Variants in LPP observed in about 807,000 individuals in gnomAD.
The protein encoded by LPP is lipoma-preferred partner.
Under a neutral mutation model 60.4 loss-of-function variants are expected in LPP, and 38 were observed. The observed-to-expected ratio is 0.63, with a 90% CI of 0.49 to 0.83. The LOEUF (loss-of-function observed/expected upper bound fraction) is 0.83, where lower values mean the gene tolerates loss of function less well. LPP is among the 40% of genes least tolerant of loss of function. The pLI is 0.00. For missense variants in LPP, 902 were observed against 783.6 expected, an observed-to-expected ratio of 1.15 and a Z score of -1.80; for synonymous variants, 328 against 290.8, an observed-to-expected ratio of 1.13 and a Z score of -1.30.
At chr3:188,334,672 G>A (rs1199610571) in intron 2 of LPP, among the ~76,000 whole-genome samples, 4 of 151,888 alleles carry the variant, frequency 2.6e-5, no homozygotes, top group Admixed American at 2.0e-4. Context: ...CTCGTGATCC[G>A]CCCACCTTGG....
At chr3:188,726,175 T>A (rs1008578090) in intron 8 of LPP, among the ~76,000 whole-genome samples, 1 of 151,964 alleles carries the variant, frequency 6.6e-6, no homozygotes, top group Non-Finnish European at 1.5e-5. Context: ...GGGACAAGAT[T>A]TGGGGGATGA....
At position 188,223,092 on chromosome 3, in the gene LPP, C is replaced by G. The variant is rs964676141; in HGVS notation, c.-189-2313C>G. Among the ~76,000 whole-genome samples, 109 of 152,264 alleles carry G rather than the reference C, an allele frequency of 7.2e-4. 1 individual carries two copies. Among genetic ancestry groups the G allele is most frequent in the African/African-American group, 2.6e-3 (106 of 41,548 alleles). ...TACTCAAGGCCAACTCCATCATTCCCTTTTGGGAATTCGGTGCTTCAGCTG... is the reference window on the plus strand; with the variant it reads ...TACTCAAGGCCAACTCCATCATTCCGTTTTGGGAATTCGGTGCTTCAGCTG... On this transcript the variant is annotated intron_variant, in intron 1 of 11. Coordinates refer to ENST00000617246, the MANE Select transcript of LPP (RefSeq NM_001375462.1).
At chr3:188,297,270 G>A (rs762035372) in intron 2 of LPP, among the ~76,000 whole-genome samples, 5 of 152,062 alleles carry the variant, frequency 3.3e-5, no homozygotes, top group East Asian at 3.9e-4. Flanking sequence ...CCCCCACTTC[G>A]GAAATAACAA....
At chr3:188,566,996 G>A (rs1832332432) in intron 6 of LPP, among the ~76,000 whole-genome samples, 1 of 151,824 alleles carries the variant, frequency 6.6e-6, no homozygotes, top group African/African-American at 2.4e-5. Context: ...CAAAGAGGAT[G>A]CAAATTATAA....
At chr3:188,181,243 C>T (rs986940026) in intron 1 of LPP, among the ~76,000 whole-genome samples, 2 of 151,434 alleles carry the variant, frequency 1.3e-5, no homozygotes, top group African/African-American at 4.9e-5. Flanking sequence ...ATCCCAGCTA[C>T]TCAGGAGGCT....
At chr3:188,300,174 C>CT (rs150945410) in intron 2 of LPP, among the ~76,000 whole-genome samples, 1,721 of 151,884 alleles carry the variant, frequency 0.011, 35 homozygotes, top group African/African-American at 0.04. Context: ...AATCTGTTCT[C>CT]TTTTTTTAAG....
At chr3:188,826,804 A>T (rs978657649) in intron 9 of LPP, among the ~76,000 whole-genome samples, 3 of 151,840 alleles carry the variant, frequency 2.0e-5, no homozygotes, top group Non-Finnish European at 2.9e-5. Context: ...GCACCTCTCT[A>T]TGTCATCCTT....
intron 5 of LPP, among the ~76,000 whole-genome samples, chr3:188,499,298 T>G (rs781173078): frequency 2.6e-5 from 4 of 152,178 alleles, no homozygotes; most frequent in Non-Finnish European, 4.4e-5. Flanking sequence ...TCGAGTTAAC[T>G]TTTATAATTA....
At chr3:188,586,872 C>A (rs946670561) in intron 6 of LPP, among the ~76,000 whole-genome samples, 1 of 151,936 alleles carries the variant, frequency 6.6e-6, no homozygotes, top group Non-Finnish European at 1.5e-5. Flanking sequence ...GGACTACAGG[C>A]ACGCACCATC....
At chr3:188,384,195 T>G (rs1408314338) in intron 3 of LPP, among the ~76,000 whole-genome samples, 1 of 152,214 alleles carries the variant, frequency 6.6e-6, no homozygotes, top group African/African-American at 2.4e-5. Flanking sequence ...CCTTGCCCAT[T>G]TGATCTATTG....
intron 4 of LPP, among the ~76,000 whole-genome samples, chr3:188,476,363 C>G (rs1014525360): frequency 6.6e-6 from 1 of 152,182 alleles, no homozygotes; most frequent in Admixed American, 6.5e-5. Context: ...TATTTTTCAA[C>G]CAGTACCCTG....
chr3:188,685,024 C>T (rs1404607716), intron 7 of LPP, among the ~76,000 whole-genome samples: 1 of 152,174 alleles, frequency 6.6e-6, no homozygotes, highest in African/African-American at 2.4e-5. Flanking sequence ...GTTTTCTTAA[C>T]CCATGTCATT....
rs1409598181 is a variant in LPP at position 188,352,065 on chromosome 3, C to A, written c.-10+10346C>A. ...TATTTCCTCCCCCCTTGTCATTTTT[C>A]TTCTATTACTTTTGCTTCTTCCCCT... On this transcript the variant is annotated intron_variant, in intron 3 of 11. Coordinates refer to ENST00000617246, the MANE Select transcript of LPP (RefSeq NM_001375462.1). This position sits in a 1 kb window ranked among gnomAD's most constrained non-coding sequence, Gnocchi z 4.4. Among the ~76,000 whole-genome samples the A allele has an allele frequency of 6.6e-6, 1 of 152,128 alleles. No homozygotes were observed. The highest frequency in any genetic ancestry group is 1.5e-5 in the Non-Finnish European group (1 of 68,016).
intron 6 of LPP, among the ~76,000 whole-genome samples, chr3:188,546,183 C>T (rs1209527015): frequency 6.6e-6 from 1 of 152,136 alleles, no homozygotes; most frequent in Non-Finnish European, 1.5e-5. Flanking sequence ...TGCCTAAGGT[C>T]AAACCAGCTC....
rs1341510792 is a variant in LPP, at chr3:188,883,040, A to G, written c.*8561A>G. Reference sequence around the variant, plus strand: ...CATCACCTGTATCAGGGAGCTCATTATTCCTTGAGGTCTTACATTTCTTTC... The same window carrying G: ...CATCACCTGTATCAGGGAGCTCATTGTTCCTTGAGGTCTTACATTTCTTTC... On this transcript the variant is annotated 3_prime_UTR_variant, in exon 12 of 12. Coordinates refer to ENST00000617246, the MANE Select transcript of LPP (RefSeq NM_001375462.1). 1 of 202,260 alleles carries G rather than the reference A, an allele frequency of 4.9e-6. No homozygotes were observed. The highest frequency in any genetic ancestry group is 1.0e-5 in the Non-Finnish European group (1 of 98,494). 12.5% of individuals were successfully genotyped at this position (202,260 alleles called of 1,614,324 possible). A position where few individuals can be genotyped will look rare whatever the true frequency, so the allele number is the denominator to read the frequency against.
chr3:188,512,810 G>C (rs945530927), intron 5 of LPP, among the ~76,000 whole-genome samples: 2 of 152,072 alleles, frequency 1.3e-5, no homozygotes, highest in African/African-American at 4.8e-5. Context: ...TTTGAATTTT[G>C]GGGAATGTGA....
At chr3:188,534,033 C>A (rs2150309419) in intron 6 of LPP, among the ~76,000 whole-genome samples, 1 of 152,226 alleles carries the variant, frequency 6.6e-6, no homozygotes, top group East Asian at 1.9e-4. Context: ...TAAAAATCTA[C>A]CTTGCATTGC....
intron 1 of LPP, among the ~76,000 whole-genome samples, chr3:188,216,494 C>G (rs1015720672): frequency 6.6e-6 from 1 of 152,180 alleles, no homozygotes; most frequent in African/African-American, 2.4e-5. Flanking sequence ...TGGTTTTCAA[C>G]TCCTGACCTC....
At chr3:188,855,268 A>G (rs1763547709) in intron 9 of LPP, among the ~76,000 whole-genome samples, 1 of 152,228 alleles carries the variant, frequency 6.6e-6, no homozygotes, top group South Asian at 2.1e-4. Context: ...ATTTAATGTC[A>G]TTTAATTTTG....
Sources: gnomAD v4.1 joint callset for allele counts (sites outside exome capture counted in the v4.1 genomes callset) on GRCh38, gnomAD v4.1.1 for gene constraint, Gnocchi (gnomAD v3.1) non-coding constraint, MANE v1.5 for transcripts, NCBI Gene and HGNC (gene_info 2026-07-23, HGNC 2026-07-21) for gene names.